RIMS1: variants seen among roughly 807,000 people sequenced by gnomAD.
RIMS1 encodes regulating synaptic membrane exocytosis 1, also known as regulating synaptic membrane exocytosis protein 1.
RIMS1 carries 83 observed loss-of-function variants against 214.1 expected under a neutral mutation model. That is an observed-to-expected ratio of 0.39 (90% confidence interval 0.32 to 0.47). The LOEUF is 0.47. Ranked by LOEUF, RIMS1 falls within the 20% of genes least tolerant of loss-of-function variation. The pLI is 0.99. For missense variants in RIMS1, 2,050 were observed against 2,161.8 expected, an observed-to-expected ratio of 0.95 and a Z score of 1.03; for synonymous variants, 793 against 786.8, an observed-to-expected ratio of 1.01 and a Z score of -0.13.
intron 28 of RIMS1, among the ~76,000 whole-genome samples, chr6:72,331,133 A>T (rs543404916): frequency 1.3e-5 from 2 of 151,884 alleles, no homozygotes; most frequent in South Asian, 4.1e-4. Context: ...TTCCCAGTTC[A>T]TCTTAAATTT....
intron 6 of RIMS1, chr6:72,213,076 G>A (rs781013213): frequency 2.5e-5 from 39 of 1,535,426 alleles, no homozygotes; most frequent in Non-Finnish European, 3.2e-5. Flanking sequence ...GGTTTAAACA[G>A]CAAGGCTTAA....
chr6:72,346,215 T>C (rs907923620), intron 29 of RIMS1, among the ~76,000 whole-genome samples: 1 of 151,778 alleles, frequency 6.6e-6, no homozygotes, highest in Non-Finnish European at 1.5e-5. Flanking sequence ...TTAATAATTC[T>C]GGGGAACCAA....
chr6:72,045,349 G>A (rs1038777157), intron 2 of RIMS1, among the ~76,000 whole-genome samples: 2 of 151,662 alleles, frequency 1.3e-5, no homozygotes, highest in African/African-American at 4.8e-5. Context: ...AAAAGACAGA[G>A]GAACACTAGA....
intron 1 of RIMS1, among the ~76,000 whole-genome samples, chr6:71,892,716 A>G (rs1450610751): frequency 1.3e-5 from 2 of 152,200 alleles, no homozygotes; most frequent in African/African-American, 2.4e-5. Context: ...AAAGTGTCAT[A>G]TGATATTTAA....
chr6:71,956,320 T>A (rs533651076), intron 1 of RIMS1, among the ~76,000 whole-genome samples: 1 of 152,230 alleles, frequency 6.6e-6, no homozygotes, highest in South Asian at 2.1e-4. Flanking sequence ...ATTTTGCTTC[T>A]CTCGACAGGA....
intron 2 of RIMS1, among the ~76,000 whole-genome samples, chr6:72,018,659 C>T (rs755551015): frequency 2.6e-5 from 4 of 151,992 alleles, no homozygotes; most frequent in Non-Finnish European, 5.9e-5. Context: ...AGGTGTGAGC[C>T]GTGGGACATT....
intron 17 of RIMS1, 64 bp from the exon 18 acceptor site, chr6:72,258,922 G>GGCAGA (rs2076920386): frequency 6.7e-7 from 1 of 1,502,972 alleles, no homozygotes; most frequent in Admixed American, 1.7e-5. Flanking sequence ...CTTCACTTTA[G>GGCAGA]TCTGTCTGCC....
chr6:72,124,061 C>G (rs2038989680), intron 4 of RIMS1, among the ~76,000 whole-genome samples: 2 of 151,742 alleles, frequency 1.3e-5, no homozygotes, highest in Admixed American at 1.3e-4. Flanking sequence ...CAGTTTCTTC[C>G]TAGCATCAAT....
Position 72,156,878 on chromosome 6 carries a change from C to T in RIMS1, c.472-22697C>T, listed in dbSNP as rs149528534. Among the ~76,000 whole-genome samples the T allele has an allele frequency of 6.4e-5, 9 of 140,622 alleles. 1 individual carries two copies. The highest frequency in any genetic ancestry group is 7.4e-5 in the African/African-American group (3 of 40,750). 92.3% of individuals were successfully genotyped at this position (140,622 alleles called of 152,430 possible). A position where few individuals can be genotyped will look rare whatever the true frequency, so the allele number is the denominator to read the frequency against. ...TAAACATTTTATTAATTGACATTTACGGAAATAATTAAATTTCATGAATGC... is the reference window on the plus strand; with the variant it reads ...TAAACATTTTATTAATTGACATTTATGGAAATAATTAAATTTCATGAATGC... On this transcript the variant is annotated intron_variant, in intron 4 of 33. Coordinates refer to ENST00000521978, the MANE Select transcript of RIMS1 (RefSeq NM_014989.7).
chr6:72,386,783 G>GAGTGC (rs982611988), intron 29 of RIMS1, among the ~76,000 whole-genome samples: 1 of 144,684 alleles, frequency 6.9e-6, no homozygotes, highest in Non-Finnish European at 1.5e-5. Context: ...GCCCAGGCTG[G>GAGTGC]AGTGCAATGG....
intron 16 of RIMS1, among the ~76,000 whole-genome samples, chr6:72,256,156 G>A (rs956191034): frequency 6.6e-6 from 1 of 151,502 alleles, no homozygotes; most frequent in Non-Finnish European, 1.5e-5. Flanking sequence ...AATGTAAAAA[G>A]CAAAGAACTT....
intron 1 of RIMS1, among the ~76,000 whole-genome samples, chr6:71,944,603 G>A (rs1189239384): frequency 2.6e-5 from 4 of 152,120 alleles, no homozygotes; most frequent in African/African-American, 9.7e-5. Flanking sequence ...AAAGTAGTGA[G>A]ACCATTGAGA....
At chr6:72,057,325 G>A (rs890443734) in intron 2 of RIMS1, among the ~76,000 whole-genome samples, 3 of 151,934 alleles carry the variant, frequency 2.0e-5, no homozygotes, top group Non-Finnish European at 4.4e-5. Flanking sequence ...ATGCTACCAC[G>A]CCAACAAAAC....
At position 72,392,826 on chromosome 6, in the gene RIMS1, T is replaced by G. The variant is rs1252047050; in HGVS notation, c.4618+16T>G. 2 of 1,541,156 alleles carry G rather than the reference T, an allele frequency of 1.3e-6. No homozygotes were observed. The highest frequency in any genetic ancestry group is 1.7e-5 in the Admixed American group (1 of 57,378). On this transcript the variant is annotated intron_variant, in intron 31 of 33. Coordinates refer to ENST00000521978, the MANE Select transcript of RIMS1 (RefSeq NM_014989.7). ...CCTGCAATGGGTAAGAATCATTTTT[T>G]TTTTCTACAAGAAAATTGATGTTTT...
intron 2 of RIMS1, among the ~76,000 whole-genome samples, chr6:72,031,703 T>A (rs961778091): frequency 2.0e-5 from 3 of 152,160 alleles, no homozygotes; most frequent in African/African-American, 7.2e-5. Context: ...CCTCTGAATG[T>A]CAGTATGATT....
intron 19 of RIMS1, chr6:72,262,823 C>A: frequency 1.4e-6 from 1 of 717,234 alleles, no homozygotes; most frequent in Non-Finnish European, 1.7e-6. Flanking sequence ...ACCATGTTCA[C>A]TTAGGACTTA....
In RIMS1 at chr6:72,284,133, G is replaced by A; in HGVS notation, c.3554+15G>A. 41 of 1,608,338 alleles carry A rather than the reference G, an allele frequency of 2.5e-5. No homozygotes were observed. Among genetic ancestry groups the A allele is most frequent in the Non-Finnish European group, 3.5e-5 (41 of 1,175,256 alleles). On this transcript the variant is annotated intron_variant, in intron 24 of 33. Transcript: ENST00000521978. ...GATGCAGAAAGGTAGGCTTGGTGTT[G>A]TGGTGTGCTGACATCTTCCATTTTA...
At chr6:72,232,176 T>A (rs1449670043) in intron 6 of RIMS1, among the ~76,000 whole-genome samples, 1 of 151,678 alleles carries the variant, frequency 6.6e-6, no homozygotes, top group East Asian at 1.9e-4. Flanking sequence ...CTATTAATTT[T>A]CACAGAATTT....
rs375055211 is a variant in RIMS1 at position 72,365,226 on chromosome 6, G to A, written c.4367-25372G>A. On this transcript the variant is annotated intron_variant, in intron 29 of 33. Transcript: ENST00000521978. ...GTGCTTGAGGAAGCCATTCTTTTACGTTCTTTCTCTGTGCCTTCTCTTCCC... is the reference window on the plus strand; with the variant it reads ...GTGCTTGAGGAAGCCATTCTTTTACATTCTTTCTCTGTGCCTTCTCTTCCC... Among the ~76,000 whole-genome samples, 25 of 152,300 alleles carry A rather than the reference G, an allele frequency of 1.6e-4. No individual in the cohort carries two copies. In the South Asian group the frequency reaches 3.7e-3, roughly 23 times the overall value.
Sources: gnomAD v4.1 joint callset for allele counts (sites outside exome capture counted in the v4.1 genomes callset) on GRCh38, gnomAD v4.1.1 for gene constraint, MANE v1.5 for transcripts, NCBI Gene and HGNC (gene_info 2026-07-23, HGNC 2026-07-21) for gene names.